Variants in FILIP1 observed in about 807,000 individuals in gnomAD.
FILIP1 encodes the protein filamin-A-interacting protein 1.
A neutral mutation model predicts 102.1 loss-of-function variants in FILIP1; 61 were observed. That is an observed-to-expected ratio of 0.60 (90% CI 0.49 to 0.74). The LOEUF is 0.74. Among genes scored for constraint, FILIP1 ranks in the 30% least tolerant of loss-of-function variants. The probability of loss-of-function intolerance (pLI) is 0.00; values close to 1 mark genes in which losing one functional copy is unlikely to be tolerated. For missense variants in FILIP1, 1,314 were observed against 1,441.2 expected (o/e 0.91, Z 1.43); for synonymous variants, 491 against 526.9 (o/e 0.93, Z 0.93).
intron 1 of FILIP1, among the ~76,000 whole-genome samples, chr6:75,426,138 T>C (rs2149701839): frequency 1.3e-5 from 2 of 152,252 alleles, no homozygotes; most frequent in Middle Eastern, 6.8e-3. Flanking sequence ...TGATCGAGAC[T>C]ATGTGACAGA....
intron 4 of FILIP1, 24 bp from the exon 5 acceptor site, chr6:75,315,226 T>C: frequency 1.4e-6 from 2 of 1,443,750 alleles, no homozygotes; most frequent in Non-Finnish European, 1.8e-6. Flanking sequence ...TATACCTATA[T>C]GTTAAAAGAG....
At chr6:75,400,866 G>A (rs1776632596) in intron 2 of FILIP1, among the ~76,000 whole-genome samples, 1 of 152,090 alleles carries the variant, frequency 6.6e-6, no homozygotes. Context: ...GAGTATTTTT[G>A]TTGTGGAAAG....
intron 1 of FILIP1, among the ~76,000 whole-genome samples, chr6:75,452,205 C>T (rs938898987): frequency 6.6e-6 from 1 of 151,718 alleles, no homozygotes; most frequent in Non-Finnish European, 1.5e-5. Context: ...GTGTGCTGTA[C>T]CCTTTAACTT....
intron 2 of FILIP1, among the ~76,000 whole-genome samples, chr6:75,392,811 C>T (rs1170168979): frequency 2.0e-5 from 3 of 152,102 alleles, no homozygotes; most frequent in Non-Finnish European, 2.9e-5. Context: ...ATGGGTCTCA[C>T]GAGACTGATG....
chr6:75,382,468 GA>G (rs1219164972), intron 2 of FILIP1, among the ~76,000 whole-genome samples: 5 of 152,148 alleles, frequency 3.3e-5, no homozygotes, highest in Non-Finnish European at 5.9e-5. Context: ...GCTTTTCACT[GA>G]CATAATTAAT....
At chr6:75,379,823 T>C (rs1445478115) in intron 2 of FILIP1, among the ~76,000 whole-genome samples, 1 of 152,238 alleles carries the variant, frequency 6.6e-6, no homozygotes, top group East Asian at 1.9e-4. Flanking sequence ...ACTTTCCTGA[T>C]CTCCTATTTA....
chr6:75,369,408 A>G (rs1775444641), intron 2 of FILIP1, among the ~76,000 whole-genome samples: 1 of 152,234 alleles, frequency 6.6e-6, no homozygotes, highest in Non-Finnish European at 1.5e-5. Context: ...ATATTCCATA[A>G]TATTCCTGTG....
At chr6:75,410,188 C>T (rs1242581861) in intron 2 of FILIP1, among the ~76,000 whole-genome samples, 1 of 152,060 alleles carries the variant, frequency 6.6e-6, no homozygotes, top group Non-Finnish European at 1.5e-5. Flanking sequence ...AAAGAGAGAG[C>T]AATAGGTGGT....
At chr6:75,401,519 C>T (rs956943672) in intron 2 of FILIP1, among the ~76,000 whole-genome samples, 11 of 152,078 alleles carry the variant, frequency 7.2e-5, no homozygotes, top group Non-Finnish European at 1.5e-4. Context: ...ACAGTAGCCA[C>T]GAGCCACAAG....
At chr6:75,420,240 G>A (rs957105146) in intron 1 of FILIP1, among the ~76,000 whole-genome samples, 4 of 151,416 alleles carry the variant, frequency 2.6e-5, no homozygotes, top group Non-Finnish European at 5.9e-5. Context: ...ATGACGTTCT[G>A]TTTAATATCC....
chr6:75,297,045 C>A lies in FILIP1; in HGVS notation c.3494-1095G>T, dbSNP rs1430719235. The stretch of plus-strand genomic sequence containing the variant: ...CTAACATCACTGAGATTATACACAG[C>A]AGGGGAAAGAAAATATTCAAACTTC... On this transcript the variant is annotated intron_variant, in intron 6 of 6. Transcript: ENST00000393004. 2.0e-5 allele frequency: 3 copies of A among 152,070 alleles called. No individual in the cohort carries two copies. In the East Asian group the frequency reaches 5.8e-4, roughly 29 times the overall value. 9.4% of individuals were successfully genotyped at this position (152,070 alleles called of 1,614,324 possible).
chr6:75,490,255 C>T (rs1779917902), intron 1 of FILIP1, among the ~76,000 whole-genome samples: 1 of 151,944 alleles, frequency 6.6e-6, no homozygotes, highest in Non-Finnish European at 1.5e-5. Context: ...ACTGAATATC[C>T]ACTTAAAAGA....
At chr6:75,485,968 AACAC>A (rs529165652) in intron 1 of FILIP1, among the ~76,000 whole-genome samples, 135 of 145,234 alleles carry the variant, frequency 9.3e-4, no homozygotes, top group African/African-American at 1.7e-3. Flanking sequence ...TTCTGACCAA[AACAC>A]ACACACACAC....
chr6:75,299,627 A>G (rs1022566970), intron 6 of FILIP1, among the ~76,000 whole-genome samples: 1 of 152,120 alleles, frequency 6.6e-6, no homozygotes, highest in Non-Finnish European at 1.5e-5. Flanking sequence ...AATTTCCCCT[A>G]TATGTTTCTC....
chr6:75,383,593 T>G (rs746955166), intron 2 of FILIP1, among the ~76,000 whole-genome samples: 6 of 152,196 alleles, frequency 3.9e-5, no homozygotes, highest in Non-Finnish European at 7.4e-5. Context: ...TATTAATAAT[T>G]TGAAGTGGAT....
intron 1 of FILIP1, among the ~76,000 whole-genome samples, chr6:75,417,228 T>C (rs537179631): frequency 2.0e-5 from 3 of 152,282 alleles, no homozygotes; most frequent in East Asian, 1.9e-4. Context: ...TTTTCTGATA[T>C]TGAAATTTCA....
Position 75,314,138 on chromosome 6 carries a change from A to T in FILIP1, c.1694T>A (p.Val565Glu). 5 of 1,523,666 alleles carry T rather than the reference A, an allele frequency of 3.3e-6. No homozygotes were observed. Among genetic ancestry groups the T allele is most frequent in the Non-Finnish European group, 4.4e-6 (5 of 1,146,500 alleles). 94.4% of individuals were successfully genotyped at this position (1,523,666 alleles called of 1,614,324 possible). ...LKLKSEMEEK[V>E]YNLTRERDEL... ...ATCTCTTTCTCTTGTCAAGTTGTATACTTTTTCCTCCATTTCAGATTTTAG... is the reference window on the plus strand; with the variant it reads ...ATCTCTTTCTCTTGTCAAGTTGTATTCTTTTTCCTCCATTTCAGATTTTAG... Residue 565 changes from valine to glutamate, a missense_variant, in exon 5 of 6, where the codon GTA becomes GAA. Physicochemically the swap from Val to Glu is moderately radical, Grantham distance 121 (BLOSUM62 -2). Around this residue, in one of 3 missense-constraint regions of FILIP1, gnomAD observed 816 missense variants for 913.1 expected, o/e 0.89. Coordinates refer to ENST00000237172, the MANE Select transcript of FILIP1 (RefSeq NM_015687.5).
Position 75,315,069 on chromosome 6 carries a change from G to A in FILIP1, c.763C>T (p.Gln255Ter), listed in dbSNP as rs780472047. The change falls in exon 5 of 6, where the codon CAA becomes TAA. Residue 255 changes from glutamine (Q) to a stop codon, truncating the protein, a stop_gained. Transcript: ENST00000237172. LOFTEE classifies it high-confidence loss of function. ...SFALMLVDER[Q>*]MHIEQLGLQS... ...AGGCCAAGTTGTTCAATGTGCATTT[G>A]TCTTTCATCCACCAGCATGAGTGCA... 1.9e-6 allele frequency: 3 copies of A among 1,614,100 alleles called. No individual in the cohort carries two copies. Among genetic ancestry groups the A allele is most frequent in the Non-Finnish European group, 2.5e-6 (3 of 1,179,992 alleles).
chr6:75,306,279 A>G (rs929309759), downstream of FILIP1, among the ~76,000 whole-genome samples: 2 of 152,172 alleles, frequency 1.3e-5, no homozygotes, highest in African/African-American at 4.8e-5. Context: ...CTGTACACGC[A>G]CTGTTAAGCC....
Sources: gnomAD v4.1 joint callset for allele counts (sites outside exome capture counted in the v4.1 genomes callset) on GRCh38, gnomAD v4.1.1 for gene constraint, gnomAD v4.1.1 regional missense constraint, MANE v1.5 for transcripts, NCBI Gene and HGNC (gene_info 2026-07-23, HGNC 2026-07-21) for gene names.